BMPR2: variants seen among roughly 807,000 people sequenced by gnomAD.
BMPR2 encodes bone morphogenetic protein receptor type 2.
BMPR2 carries 29 observed loss-of-function variants against 100.8 expected under a neutral mutation model. The ratio of observed to expected loss-of-function variants is 0.29; its 90% CI spans 0.21 to 0.39. BMPR2 has a LOEUF of 0.39. Ranked by LOEUF, BMPR2 falls within the 10% of genes least tolerant of loss-of-function variation. The pLI is 1.00. For synonymous variants in BMPR2, 382 were observed against 442.3 expected, an observed-to-expected ratio of 0.86 and a Z score of 1.71; for missense variants, 1,011 against 1,274.5, an observed-to-expected ratio of 0.79 and a Z score of 3.15.
intron 3 of BMPR2, among the ~76,000 whole-genome samples, chr2:202,478,189 T>G (rs965876640): frequency 1.3e-5 from 2 of 152,196 alleles, no homozygotes; most frequent in African/African-American, 4.8e-5. Flanking sequence ...TTTTGTGGTT[T>G]GAAATGGCCT....
intron 1 of BMPR2, among the ~76,000 whole-genome samples, chr2:202,416,427 ATTTTT>A (rs57196325): frequency 1.5e-5 from 2 of 137,014 alleles, no homozygotes; most frequent in African/African-American, 2.7e-5. Flanking sequence ...CACCTGGATA[ATTTTT>A]TTTTTTTTTT....
intron 1 of BMPR2, among the ~76,000 whole-genome samples, chr2:202,387,717 A>ATTGG (rs1690458243): frequency 6.6e-6 from 1 of 152,236 alleles, no homozygotes; most frequent in Non-Finnish European, 1.5e-5. Context: ...TTTGGAAAAG[A>ATTGG]ACACCAGTTA....
At chr2:202,398,538 A>G (rs1007685690) in intron 1 of BMPR2, among the ~76,000 whole-genome samples, 2 of 152,246 alleles carry the variant, frequency 1.3e-5, no homozygotes, top group African/African-American at 4.8e-5. Flanking sequence ...CAGTTAAAAT[A>G]AGTTTGAAGA....
intron 3 of BMPR2, among the ~76,000 whole-genome samples, chr2:202,473,479 C>A (rs1692476283): frequency 6.6e-6 from 1 of 151,600 alleles, no homozygotes; most frequent in Non-Finnish European, 1.5e-5. Flanking sequence ...AAAATTTTAA[C>A]AAAAACACAT....
intron 1 of BMPR2, among the ~76,000 whole-genome samples, chr2:202,387,943 CAG>C (rs949329812): frequency 6.6e-6 from 1 of 152,188 alleles, no homozygotes; most frequent in African/African-American, 2.4e-5. Flanking sequence ...CTTATTCAAA[CAG>C]AGTTTTATGT....
chr2:202,511,077 A>G (rs1239090591), intron 3 of BMPR2, among the ~76,000 whole-genome samples: 2 of 151,770 alleles, frequency 1.3e-5, no homozygotes, highest in Non-Finnish European at 2.9e-5. Context: ...GTGTTGTGCA[A>G]CTATTACCTC....
rs373725296 is a variant in BMPR2, at chr2:202,556,373, A to G, written c.2708A>G (p.Asn903Ser). The change falls in exon 12 of 13, where the codon AAT becomes AGT. Residue 903 changes from asparagine to serine, a missense_variant. Physicochemically the swap from Asn to Ser is conservative, Grantham distance 46. This residue lies in a region of BMPR2 where 508 missense variants were observed against 552.0 expected (regional missense o/e 0.92). Coordinates refer to ENST00000374580, the MANE Select transcript of BMPR2 (RefSeq NM_001204.7). ...RPLEGGRTNS[N>S]NNNSNPCSEQ... ...CTAGAAGGTGGCCGAACTAATTCCA[A>G]TAACAACAACAGCAATCCATGTTCA... 19 of 1,614,098 alleles carry G rather than the reference A, an allele frequency of 1.2e-5. No individual in the cohort carries two copies. The highest frequency in any genetic ancestry group is 1.7e-5 in the Admixed American group (1 of 60,006).
In BMPR2 at chr2:202,566,635, G is replaced by A. The variant is rs1285141076; in HGVS notation, c.*6689G>A. On this transcript the variant is annotated 3_prime_UTR_variant, in exon 13 of 13. Coordinates refer to ENST00000374580, the MANE Select transcript of BMPR2 (RefSeq NM_001204.7). Reference sequence around the variant, plus strand: ...TTTTTTAATAAGGGAACTTGGTAAAGTAGTTCCTGTCAGATAGGATTTTCT... The same window carrying A: ...TTTTTTAATAAGGGAACTTGGTAAAATAGTTCCTGTCAGATAGGATTTTCT... The A allele has an allele frequency of 6.6e-6, 1 of 152,176 alleles. No homozygotes were observed. The highest frequency in any genetic ancestry group is 1.5e-5 in the Non-Finnish European group (1 of 68,008). The allele number at this position is 152,176 out of a possible 1,614,324, so 9.4% of individuals were successfully genotyped here.
chr2:202,507,753 G>A (rs1290365521), intron 3 of BMPR2, among the ~76,000 whole-genome samples: 1 of 150,378 alleles, frequency 6.6e-6, no homozygotes, highest in African/African-American at 2.5e-5. Flanking sequence ...ATGCTGGAGT[G>A]CAATGGCGCC....
intron 10 of BMPR2, among the ~76,000 whole-genome samples, chr2:202,549,606 G>T (rs187216042): frequency 6.6e-6 from 1 of 151,702 alleles, no homozygotes; most frequent in Non-Finnish European, 1.5e-5. Flanking sequence ...AAAATTAGCC[G>T]GGTGTGGTGG....
At chr2:202,489,856 A>G (rs1027236230) in intron 3 of BMPR2, among the ~76,000 whole-genome samples, 4 of 152,364 alleles carry the variant, frequency 2.6e-5, no homozygotes, top group African/African-American at 7.2e-5. Flanking sequence ...GCATACTAAT[A>G]TATCAGTCAG....
intron 3 of BMPR2, among the ~76,000 whole-genome samples, chr2:202,472,588 A>G (rs560340715): frequency 1.3e-5 from 2 of 152,302 alleles, no homozygotes; most frequent in African/African-American, 2.4e-5. Flanking sequence ...GAACCCAGGA[A>G]GCAGAGATTG....
intron 7 of BMPR2, among the ~76,000 whole-genome samples, chr2:202,527,656 G>A (rs1006260070): frequency 7.3e-5 from 11 of 151,434 alleles, no homozygotes; most frequent in African/African-American, 1.9e-4. Flanking sequence ...GCGCGGTGGC[G>A]GGCGCCTGTA....
chr2:202,551,360 CAAAA>C (rs1256597587), intron 10 of BMPR2, among the ~76,000 whole-genome samples: 17 of 95,386 alleles, frequency 1.8e-4, no homozygotes, highest in African/African-American at 6.8e-4. Flanking sequence ...ACTAAAGATA[CAAAA>C]AAAAAAAAAA....
chr2:202,387,720 A>T (rs999648325), intron 1 of BMPR2, among the ~76,000 whole-genome samples: 1 of 152,202 alleles, frequency 6.6e-6, no homozygotes, highest in African/African-American at 2.4e-5. Flanking sequence ...GGAAAAGAAC[A>T]CCAGTTAGAT....
intron 3 of BMPR2, chr2:202,469,510 G>T (rs2105963909): frequency 3.1e-6 from 1 of 327,496 alleles, no homozygotes. Context: ...ACAGAATCTT[G>T]CTTTTGTCAC....
At chr2:202,405,780 A>AACTTG (rs1690879225) in intron 1 of BMPR2, among the ~76,000 whole-genome samples, 1 of 151,830 alleles carries the variant, frequency 6.6e-6, no homozygotes, top group African/African-American at 2.4e-5. Context: ...TGTCTCCTTC[A>AACTTG]ACTTGTCATA....
At chr2:202,447,299 ACT>A (rs1348424931) in intron 1 of BMPR2, among the ~76,000 whole-genome samples, 1 of 150,214 alleles carries the variant, frequency 6.7e-6, no homozygotes, top group Non-Finnish European at 1.5e-5. Context: ...ATGCTGTGAG[ACT>A]CTGTCAACAA....
At chr2:202,466,824 CT>C (rs902240167) in intron 2 of BMPR2, among the ~76,000 whole-genome samples, 16 of 151,628 alleles carry the variant, frequency 1.1e-4, no homozygotes, top group African/African-American at 3.9e-4. Flanking sequence ...TCTCAAATTC[CT>C]GGGCTCAAGT....
Sources: gnomAD v4.1 joint callset for allele counts (sites outside exome capture counted in the v4.1 genomes callset) on GRCh38, gnomAD v4.1.1 for gene constraint, gnomAD v4.1.1 regional missense constraint, MANE v1.5 for transcripts, NCBI Gene and HGNC (gene_info 2026-07-23, HGNC 2026-07-21) for gene names.